The following NRG1 variants were observed in gnomAD, a reference collection of about 807,000 sequenced individuals.
The protein encoded by NRG1 is pro-neuregulin-1, membrane-bound isoform.
Under a neutral mutation model 63.8 loss-of-function variants are expected in NRG1, and 18 were observed. The observed-to-expected ratio is 0.28, with a 90% confidence interval of 0.19 to 0.42. NRG1 has a LOEUF of 0.42. Among genes scored for constraint, NRG1 ranks in the 10% least tolerant of loss-of-function variants. The probability of loss-of-function intolerance (pLI) is 1.00; values close to 1 mark genes in which losing one functional copy is unlikely to be tolerated. For synonymous variants in NRG1, 302 were observed against 301.3 expected (o/e 1.00, Z -0.02); for missense variants, 762 against 814.7 (o/e 0.94, Z 0.79).
At chr8:32,622,925 TG>T (rs975852552) in intron 5 of NRG1, among the ~76,000 whole-genome samples, 23 of 152,316 alleles carry the variant, frequency 1.5e-4, no homozygotes, top group African/African-American at 5.5e-4. Flanking sequence ...CCCTTATTGT[TG>T]GAGAAGGAAA....
At chr8:32,346,647 A>G (rs1445424816) in intron 1 of NRG1, among the ~76,000 whole-genome samples, 1 of 152,036 alleles carries the variant, frequency 6.6e-6, no homozygotes, top group Admixed American at 6.6e-5. Context: ...GGAACCTGTA[A>G]TTAAGTGTTA....
intron 5 of NRG1, among the ~76,000 whole-genome samples, chr8:32,683,880 G>C (rs1445282888): frequency 7.0e-6 from 1 of 142,020 alleles, no homozygotes; most frequent in Non-Finnish European, 1.5e-5. Flanking sequence ...CTTCTAATTT[G>C]CTTCTTGAAA....
chr8:32,132,501 G>A (rs970101595), intron 1 of NRG1, among the ~76,000 whole-genome samples: 1 of 152,028 alleles, frequency 6.6e-6, no homozygotes, highest in Admixed American at 6.6e-5. Context: ...AATACCCAGT[G>A]ACAGATCTAC....
chr8:32,082,375 C>A lies in NRG1; in HGVS notation c.37+442944C>A, dbSNP rs1456762439. The stretch of plus-strand genomic sequence containing the variant: ...CTCCCTCCTCCTACCCTCCACCCTC[C>A]ACCCTCAAGTAGGCCCCAGTGTCTC... On this transcript the variant is annotated intron_variant, in intron 1 of 10. Coordinates refer to the NRG1 transcript ENST00000519301. Among the ~76,000 whole-genome samples, 5 of 152,010 alleles carry A rather than the reference C, an allele frequency of 3.3e-5. No homozygotes were observed. The East Asian group carries it at 9.7e-4, about 29-fold the overall frequency.
rs1307816449 is a variant in NRG1 at position 31,888,159 on chromosome 8, A to G, written c.37+248728A>G. 3.3e-5 allele frequency among the ~76,000 whole-genome samples: 5 copies of G among 152,096 alleles called. No individual in the cohort carries two copies. The East Asian group carries it at 9.7e-4, about 29-fold the overall frequency. On this transcript the variant is annotated intron_variant, in intron 1 of 10. Coordinates refer to the NRG1 transcript ENST00000519301. ...TATATGTGTGTGTGTCTATGTACAA[A>G]AAGATAGCTTTTTGACCTCAACAGC...
At chr8:32,283,777 G>T (rs1853173752) in intron 1 of NRG1, among the ~76,000 whole-genome samples, 1 of 152,154 alleles carries the variant, frequency 6.6e-6, no homozygotes, top group African/African-American at 2.4e-5. Flanking sequence ...GCAAGGTGTT[G>T]ACTTTCCAGT....
chr8:32,517,490 A>C (rs1484037001), intron 1 of NRG1, among the ~76,000 whole-genome samples: 1 of 152,194 alleles, frequency 6.6e-6, no homozygotes, highest in Non-Finnish European at 1.5e-5. Flanking sequence ...AAAAAGCTTC[A>C]TCAAAAGAAA....
chr8:32,489,426 C>T (rs561651873), intron 1 of NRG1, among the ~76,000 whole-genome samples: 18 of 152,228 alleles, frequency 1.2e-4, no homozygotes, highest in African/African-American at 4.1e-4. Flanking sequence ...CTGGAGCTGG[C>T]TGCAACCAAT....
At chr8:32,648,218 A>G in intron 5 of NRG1, 2 of 1,613,864 alleles carry the variant, frequency 1.2e-6, no homozygotes, top group African/African-American at 1.3e-5. Flanking sequence ...TCTCCTTTGA[A>G]CCATCAGCGG....
intron 1 of NRG1, among the ~76,000 whole-genome samples, chr8:32,192,773 A>G (rs1398781840): frequency 1.3e-5 from 2 of 152,178 alleles, no homozygotes; most frequent in East Asian, 1.9e-4. Context: ...CATAAAACAT[A>G]TAGATTTTTA....
chr8:32,364,384 A>G (rs1171788304), intron 1 of NRG1, among the ~76,000 whole-genome samples: 1 of 152,118 alleles, frequency 6.6e-6, no homozygotes, highest in East Asian at 1.9e-4. Context: ...AAGACAAAAT[A>G]TACATATACC....
At chr8:32,283,428 T>C (rs16879111) in intron 1 of NRG1, among the ~76,000 whole-genome samples, 1 of 151,998 alleles carries the variant, frequency 6.6e-6, no homozygotes, top group Non-Finnish European at 1.5e-5. Flanking sequence ...ATCCAGTTCA[T>C]TAGGGTAAAG....
At chr8:32,284,539 CTTCT>C (rs994838049) in intron 1 of NRG1, among the ~76,000 whole-genome samples, 1 of 128,582 alleles carries the variant, frequency 7.8e-6, no homozygotes, top group Non-Finnish European at 1.7e-5. Flanking sequence ...TCCTTCCTTC[CTTCT>C]TTCTTTCCAC....
At chr8:31,754,871 C>G (rs1816814840) in intron 1 of NRG1, among the ~76,000 whole-genome samples, 1 of 152,064 alleles carries the variant, frequency 6.6e-6, no homozygotes, top group Non-Finnish European at 1.5e-5. Context: ...TTCTAATTAT[C>G]TTTATTGAAT....
chr8:31,762,041 G>C (rs1031171091), intron 1 of NRG1, among the ~76,000 whole-genome samples: 1 of 152,152 alleles, frequency 6.6e-6, no homozygotes, highest in Admixed American at 6.5e-5. Flanking sequence ...CATTGAAAAA[G>C]TTTATTTTGA....
chr8:32,722,181 C>T, intron 5 of NRG1: 1 of 732,020 alleles, frequency 1.4e-6, no homozygotes, highest in Non-Finnish European at 2.2e-6. Flanking sequence ...AAGAATTGTC[C>T]TAAAAGCTGT....
At chr8:31,878,978 C>A (rs969610584) in intron 1 of NRG1, among the ~76,000 whole-genome samples, 2 of 151,434 alleles carry the variant, frequency 1.3e-5, no homozygotes, top group Admixed American at 1.3e-4. Flanking sequence ...CCAGCCTGGG[C>A]GACAGAGCAA....
intron 1 of NRG1, among the ~76,000 whole-genome samples, chr8:31,896,113 C>T (rs948596384): frequency 1.3e-5 from 2 of 152,058 alleles, no homozygotes; most frequent in Non-Finnish European, 2.9e-5. Flanking sequence ...CACTAGTCCC[C>T]CTCTCTCAAA....
intron 5 of NRG1, among the ~76,000 whole-genome samples, chr8:32,688,221 C>A (rs1447720903): frequency 6.6e-6 from 1 of 152,122 alleles, no homozygotes; most frequent in Non-Finnish European, 1.5e-5. Flanking sequence ...AACATACGTA[C>A]GAAACATGCA....
Sources: gnomAD v4.1 joint callset for allele counts (sites outside exome capture counted in the v4.1 genomes callset) on GRCh38, gnomAD v4.1.1 for gene constraint, MANE v1.5 for transcripts, NCBI Gene and HGNC (gene_info 2026-07-23, HGNC 2026-07-21) for gene names.